The following VAX1 variants were observed in gnomAD, a reference collection of about 807,000 sequenced individuals.
VAX1 encodes ventral anterior homeobox 1.
Under a neutral mutation model 17.6 loss-of-function variants are expected in VAX1, and 6 were observed. The observed-to-expected ratio is 0.34, with a 90% CI of 0.19 to 0.67. The LOEUF (loss-of-function observed/expected upper bound fraction) is 0.67. Among genes scored for constraint, VAX1 ranks in the 30% least tolerant of loss-of-function variants. VAX1 has a pLI of 0.69. For missense variants in VAX1, 408 were observed against 463.7 expected (o/e 0.88, Z 1.10); for synonymous variants, 256 against 227.4 (o/e 1.13, Z -1.13).
downstream of VAX1, chr10:117,130,751 G>T (rs1028049603): frequency 6.6e-6 from 1 of 152,258 alleles, no homozygotes; most frequent in East Asian, 1.9e-4. Flanking sequence ...CTATGCAGAA[G>T]AGGCTCTTTA....
Position 117,137,930 on chromosome 10 carries a change from A to G in VAX1, c.127T>C (p.Phe43Leu), listed in dbSNP as rs1250262155. Residue 43 changes from phenylalanine (F) to leucine (L), a missense_variant, in exon 1 of 3, where the codon TTC (phenylalanine) becomes CTC (leucine). Phe to Leu is a conservative substitution (Grantham distance 22). Transcript: ENST00000369206. The surrounding 1 kb of genome is among the most constrained non-coding windows in gnomAD (Gnocchi z 7.4). The part of the protein sequence containing the change: ...KGAEGNLPAA[F>L]LKEPQGAFSA... ...AAGGCGCCCTGCGGCTCCTTGAGGAAGGCGGCTGGGAGGTTCCCCTCCGCG... is the reference window on the plus strand; with the variant it reads ...AAGGCGCCCTGCGGCTCCTTGAGGAGGGCGGCTGGGAGGTTCCCCTCCGCG... The G allele has an allele frequency of 3.7e-6, 6 of 1,613,736 alleles. No homozygotes were observed. Among genetic ancestry groups the G allele is most frequent in the Non-Finnish European group, 5.1e-6 (6 of 1,179,974 alleles).
At chr10:117,132,069 G>A (rs1415098844), downstream of VAX1, 40 of 824,572 alleles carry the variant, frequency 4.9e-5, no homozygotes, top group South Asian at 6.8e-4. This position sits in a 1 kb window ranked among gnomAD's most constrained non-coding sequence, Gnocchi z 4.9. Flanking sequence ...ACCTCAGAGG[G>A]ACAGATAGAG....
chr10:117,134,715 G>C lies in VAX1; in HGVS notation c.430-132C>G. On this transcript the variant is annotated intron_variant, in intron 2 of 2. Transcript: ENST00000369206. This position sits in a 1 kb window ranked among gnomAD's most constrained non-coding sequence, Gnocchi z 6.2. ...GCCCTATCCGCAGCCCCACCCAGCA[G>C]CCGGAGGGGTCCGGGCCGGGGCGCT... is the stretch of plus-strand genomic sequence containing the variant. 1.1e-6 allele frequency: 1 copy of C among 935,422 alleles called. No individual in the cohort carries two copies. The highest frequency in any genetic ancestry group is 1.5e-6 in the Non-Finnish European group (1 of 678,604). 57.9% of individuals were successfully genotyped at this position (935,422 alleles called of 1,614,324 possible).
Position 117,137,763 on chromosome 10 carries a change from C to T in VAX1, c.241+53G>A. The T allele has an allele frequency of 3.1e-6, 5 of 1,606,492 alleles. No individual in the cohort carries two copies. Among genetic ancestry groups the T allele is most frequent in the South Asian group, 1.1e-5 (1 of 90,696 alleles). On this transcript the variant is annotated intron_variant, in intron 1 of 2. Transcript: ENST00000369206. The surrounding 1 kb of genome is among the most constrained non-coding windows in gnomAD (Gnocchi z 7.4). ...CTGTGTCGGCGGCAGCGCGCAGCTC[C>T]GGCCCCGGAGTCGACCCCAAAGAAC...
chr10:117,134,527 G>T lies in VAX1; in HGVS notation c.486C>A (p.Asp162Glu). Residue 162 changes from aspartate to glutamate, a missense_variant, in exon 3 of 3, where the codon GAC becomes GAA. Asp to Glu is a conservative substitution (Grantham distance 45). Transcript: ENST00000369206. The surrounding 1 kb of genome is among the most constrained non-coding windows in gnomAD (Gnocchi z 6.2). ...CCGACACCACCGAGCGTAGCTCCGAGTCCTTGCCCTGGTCCTTCTTCTGCT... is the reference window on the plus strand; with the variant it reads ...CCGACACCACCGAGCGTAGCTCCGATTCCTTGCCCTGGTCCTTCTTCTGCT... ...RTKQKKDQGK[D>E]SELRSVVSET... is the part of the protein sequence containing the mutation. 6.5e-7 allele frequency: 1 copy of T among 1,533,186 alleles called. No homozygotes were observed. Among genetic ancestry groups the T allele is most frequent in the Non-Finnish European group, 8.8e-7 (1 of 1,142,396 alleles). 95.0% of individuals were successfully genotyped at this position (1,533,186 alleles called of 1,614,324 possible). A position where few individuals can be genotyped will look rare whatever the true frequency, so the allele number is the denominator to read the frequency against.
downstream of VAX1, chr10:117,131,976 G>C: frequency 2.0e-6 from 1 of 487,876 alleles, no homozygotes; most frequent in Non-Finnish European, 3.6e-6. Flanking sequence ...AGGAGGCAGA[G>C]ACTTTATAGT....
intron 2 of VAX1, among the ~76,000 whole-genome samples, chr10:117,135,960 A>C (rs1854170297): frequency 6.6e-6 from 1 of 152,230 alleles, no homozygotes; most frequent in South Asian, 2.1e-4. Context: ...GCACAGGCAG[A>C]TCTCCAGGAG....
Position 117,133,700 on chromosome 10 carries a change from C to A in VAX1, c.*308G>T. The A allele has an allele frequency of 8.9e-7, 1 of 1,119,054 alleles. No homozygotes were observed. The highest frequency in any genetic ancestry group is 1.1e-6 in the Non-Finnish European group (1 of 917,342). 69.3% of individuals were successfully genotyped at this position (1,119,054 alleles called of 1,614,324 possible). ...TGGAGTTAGAACCAGTCTTTTCCCT[C>A]CTGGGCTGGGCACGGGGTCAGGGCA... On this transcript the variant is annotated 3_prime_UTR_variant, in exon 3 of 3. Transcript: ENST00000369206.
downstream of VAX1, chr10:117,131,188 G>T (rs1854078330): frequency 6.5e-6 from 1 of 153,528 alleles, no homozygotes. Flanking sequence ...AGAAGTAATG[G>T]AGGAGGGAGA....
rs75048442 is a variant in VAX1 at position 117,135,036 on chromosome 10, G to A, written c.430-453C>T. ...TGAAGGAAGAGGGAAGAAGGAAGAGGGAAGTGGGAAGAGAGGCGGGGAGGG... is the reference window on the plus strand; with the variant it reads ...TGAAGGAAGAGGGAAGAAGGAAGAGAGAAGTGGGAAGAGAGGCGGGGAGGG... On this transcript the variant is annotated intron_variant, in intron 2 of 2. Transcript: ENST00000369206. Among the ~76,000 whole-genome samples the A allele has an allele frequency of 4.2e-3, 633 of 152,290 alleles. 7 individuals are homozygous for A. Among genetic ancestry groups the A allele is most frequent in the African/African-American group, 0.014 (602 of 41,558 alleles).
chr10:117,132,004 TAAATAAACTAAGA>T, downstream of VAX1: 1 of 562,680 alleles, frequency 1.8e-6, no homozygotes, highest in South Asian at 2.7e-5. This position sits in a 1 kb window ranked among gnomAD's most constrained non-coding sequence, Gnocchi z 4.9. Context: ...GATGAGTTCC[TAAATAAACTAAGA>T]ATTACGCAGT....
chr10:117,136,755 C>T lies in VAX1; in HGVS notation c.242-96G>A. 1 of 1,452,532 alleles carries T rather than the reference C, an allele frequency of 6.9e-7. No homozygotes were observed. Among genetic ancestry groups the T allele is most frequent in the Non-Finnish European group, 9.2e-7 (1 of 1,083,904 alleles). 90.0% of individuals were successfully genotyped at this position (1,452,532 alleles called of 1,614,324 possible). On this transcript the variant is annotated intron_variant, in intron 1 of 2. Transcript: ENST00000369206. This position sits in a 1 kb window ranked among gnomAD's most constrained non-coding sequence, Gnocchi z 5.0. ...TGGGGACACAGTCCCCAGAAGCGTG[C>T]AGTTTTGGGGATGGGGGGCGGGGTG...
chr10:117,134,336 G>A lies in VAX1; in HGVS notation c.677C>T (p.Ala226Val). The A allele has an allele frequency of 1.9e-6, 2 of 1,053,904 alleles. No homozygotes were observed. The highest frequency in any genetic ancestry group is 2.3e-6 in the Non-Finnish European group (2 of 876,104). The allele number at this position is 1,053,904 out of a possible 1,614,324, so 65.3% of individuals were successfully genotyped here. The change falls in exon 3 of 3, where the codon GCC (alanine) becomes GTC (valine). Residue 226 changes from alanine to valine, a missense_variant. This residue lies in a region of VAX1 where 196 missense variants were observed against 218.7 expected (regional missense o/e 0.90). Transcript: ENST00000369206. This position sits in a 1 kb window ranked among gnomAD's most constrained non-coding sequence, Gnocchi z 6.2. The stretch of plus-strand genomic sequence containing the variant: ...CGGGGCGGCGGCGGCGGCTGCGGCG[G>A]CCGAGCCTGCAGCGGCGCCCGCGCC... ...ALGAGAAAGSAAAAAAAAPGP... is the reference protein window; with the variant it reads ...ALGAGAAAGSVAAAAAAAPGP...
Position 117,136,705 on chromosome 10 carries a change from C to G in VAX1, c.242-46G>C. ...GCCGCCAGAACCCTCCCGTCCCCCT[C>G]CACCTCCTTGGCCCGAGCTGGATTT... On this transcript the variant is annotated intron_variant, in intron 1 of 2. Coordinates refer to ENST00000369206, the MANE Select transcript of VAX1 (RefSeq NM_001112704.2). The surrounding 1 kb of genome is among the most constrained non-coding windows in gnomAD (Gnocchi z 5.0). The G allele has an allele frequency of 4.4e-6, 7 of 1,578,372 alleles. No homozygotes were observed. Among genetic ancestry groups the G allele is most frequent in the Non-Finnish European group, 6.0e-6 (7 of 1,157,498 alleles).
rs1008974492 is a variant in VAX1 at position 117,136,511 on chromosome 10, C to T, written c.390G>A (p.Arg130=). The change falls in exon 2 of 3, where the codon AGG becomes AGA. Residue 130 remains arginine, a synonymous_variant. Transcript: ENST00000369206. The surrounding 1 kb of genome is among the most constrained non-coding windows in gnomAD (Gnocchi z 5.0). The stretch of plus-strand genomic sequence containing the variant: ...GGTTAAGCTGCCGGGCGAGCTCGGT[C>T]CTCTCGCGGCCCACCACGTACTGGC... The part of the protein sequence containing the change: ...QRCQYVVGRE[R]TELARQLNLS... 25 of 1,613,746 alleles carry T rather than the reference C, an allele frequency of 1.5e-5. No homozygotes were observed. In the African/African-American group the frequency reaches 2.8e-4, roughly 18 times the overall value.
In VAX1 at chr10:117,136,950, TG is replaced by T. The variant is rs991525399; in HGVS notation, c.242-292del. 1.3e-5 allele frequency among the ~76,000 whole-genome samples: 2 copies of T among 152,062 alleles called. No individual in the cohort carries two copies. Among genetic ancestry groups the T allele is most frequent in the African/African-American group, 4.8e-5 (2 of 41,412 alleles). On this transcript the variant is annotated intron_variant, in intron 1 of 2. Transcript: ENST00000369206. This position sits in a 1 kb window ranked among gnomAD's most constrained non-coding sequence, Gnocchi z 5.0. The stretch of plus-strand genomic sequence containing the variant: ...ACATAGGCGGACGTTTCTTCCGGCC[TG>T]GGGGGGCCTCGGCTGAGCCTTCCGG...
downstream of VAX1, chr10:117,132,614 A>T (rs924121029): frequency 1.9e-5 from 19 of 1,020,660 alleles, no homozygotes; most frequent in African/African-American, 4.9e-5. This position sits in a 1 kb window ranked among gnomAD's most constrained non-coding sequence, Gnocchi z 4.9. Context: ...GGCACCTCGC[A>T]GTCTGGGTCT....
Position 117,133,607 on chromosome 10 carries a change from T to C in VAX1, c.*401A>G, listed in dbSNP as rs1854120877. 1.0e-6 allele frequency: 1 copy of C among 989,090 alleles called. No individual in the cohort carries two copies. The highest frequency in any genetic ancestry group is 1.2e-6 in the Non-Finnish European group (1 of 832,588). 61.3% of individuals were successfully genotyped at this position (989,090 alleles called of 1,614,324 possible). A position where few individuals can be genotyped will look rare whatever the true frequency, so the allele number is the denominator to read the frequency against. Reference sequence around the variant, plus strand: ...GCGCGCAGTTTTCCTCTTTCAAATATTCCTAGGAATAGTCGGCAGCGGCAG... The same window carrying C: ...GCGCGCAGTTTTCCTCTTTCAAATACTCCTAGGAATAGTCGGCAGCGGCAG... On this transcript the variant is annotated 3_prime_UTR_variant, in exon 3 of 3. Coordinates refer to ENST00000369206, the MANE Select transcript of VAX1 (RefSeq NM_001112704.2).
rs1393252323 is a variant in VAX1 at position 117,137,327 on chromosome 10, A to T, written c.241+489T>A. On this transcript the variant is annotated intron_variant, in intron 1 of 2. Transcript: ENST00000369206. The surrounding 1 kb of genome is among the most constrained non-coding windows in gnomAD (Gnocchi z 7.4). ...TCCCGGCGGCAGCGGTCGGGCACCG[A>T]TCGCGGCCGTGGGGTCCTCGGCCCA... Among the ~76,000 whole-genome samples the T allele has an allele frequency of 6.6e-6, 1 of 151,164 alleles. No individual in the cohort carries two copies. Among genetic ancestry groups the T allele is most frequent in the Admixed American group, 6.6e-5 (1 of 15,252 alleles).
Sources: gnomAD v4.1 joint callset for allele counts (sites outside exome capture counted in the v4.1 genomes callset) on GRCh38, gnomAD v4.1.1 for gene constraint, gnomAD v4.1.1 regional missense constraint, Gnocchi (gnomAD v3.1) non-coding constraint, MANE v1.5 for transcripts, NCBI Gene and HGNC (gene_info 2026-07-23, HGNC 2026-07-21) for gene names.